Variants in MBTD1 observed in about 807,000 individuals in gnomAD.
The protein encoded by MBTD1 is mbt domain containing 1.
A neutral mutation model predicts 87.8 loss-of-function variants in MBTD1; 24 were observed. The ratio of observed to expected loss-of-function variants is 0.27; its 90% CI spans 0.20 to 0.38. MBTD1 has a LOEUF of 0.38. Ranked by LOEUF, MBTD1 falls within the 10% of genes least tolerant of loss-of-function variation. The pLI is 1.00. For synonymous variants in MBTD1, 237 were observed against 248.6 expected (o/e 0.95, Z 0.44); for missense variants, 436 against 760.2 (o/e 0.57, Z 5.02).
Position 51,260,011 on chromosome 17 carries a change from C to A in MBTD1, c.-289G>T. 2.0e-6 allele frequency: 1 copy of A among 493,830 alleles called. No homozygotes were observed. Among genetic ancestry groups the A allele is most frequent in the African/African-American group, 2.0e-5 (1 of 50,478 alleles). The allele number at this position is 493,830 out of a possible 1,614,324, so 30.6% of individuals were successfully genotyped here. A position where few individuals can be genotyped will look rare whatever the true frequency, so the allele number is the denominator to read the frequency against. ...CGGGTGCAGCAGCCCCCGGATTTCC[C>A]CCCTTTAACTCGGGTGGCCCCAGGA... On this transcript the variant is annotated 5_prime_UTR_variant, in exon 1 of 17. Transcript: ENST00000586178.
intron 2 of MBTD1, among the ~76,000 whole-genome samples, chr17:51,256,087 G>C (rs918906581): frequency 6.6e-6 from 1 of 152,164 alleles, no homozygotes; most frequent in African/African-American, 2.4e-5. Flanking sequence ...CTAGTAGTAG[G>C]AATTAAACAT....
At chr17:51,222,661 G>A (rs775734456) in intron 3 of MBTD1, among the ~76,000 whole-genome samples, 19 of 152,024 alleles carry the variant, frequency 1.2e-4, no homozygotes, top group Non-Finnish European at 2.8e-4. Context: ...GCCTCCCAAA[G>A]TACTAGGATT....
intron 2 of MBTD1, among the ~76,000 whole-genome samples, chr17:51,248,766 T>C (rs965520423): frequency 2.0e-5 from 3 of 152,228 alleles, no homozygotes; most frequent in African/African-American, 7.2e-5. Flanking sequence ...CAGATTTTAC[T>C]ATGAATAAAG....
upstream of MBTD1, chr17:51,260,933 G>A: frequency 6.5e-7 from 1 of 1,541,768 alleles, no homozygotes; most frequent in Non-Finnish European, 8.7e-7. Context: ...GAGGGTGAGG[G>A]AGGCCGCGGC....
chr17:51,235,763 A>G (rs1299865817), intron 2 of MBTD1, among the ~76,000 whole-genome samples: 1 of 152,224 alleles, frequency 6.6e-6, no homozygotes, highest in East Asian at 1.9e-4. Context: ...ACACAATCCA[A>G]TGAGAATCAC....
intron 12 of MBTD1, among the ~76,000 whole-genome samples, chr17:51,197,503 C>T (rs2051200962): frequency 6.6e-6 from 1 of 150,984 alleles, no homozygotes; most frequent in Non-Finnish European, 1.5e-5. Context: ...TTGCTCACTA[C>T]TCTTAATTTT....
chr17:51,211,063 G>A (rs1206017266), intron 6 of MBTD1, among the ~76,000 whole-genome samples: 1 of 150,954 alleles, frequency 6.6e-6, no homozygotes, highest in African/African-American at 2.4e-5. Context: ...CTTGAACCCA[G>A]GAGGCGAAGT....
chr17:51,185,012 T>G (rs2050471511), intron 16 of MBTD1: 1 of 152,162 alleles, frequency 6.6e-6, no homozygotes, highest in African/African-American at 2.4e-5. Context: ...CAAGATGGCC[T>G]AATACATTAT....
rs2050230155 is a variant in MBTD1, at chr17:51,179,526, A to ATATATATACATATATT, written c.*1049_*1050insAATATATGTATATATA. On this transcript the variant is annotated 3_prime_UTR_variant, in exon 17 of 17. Transcript: ENST00000586178. Reference sequence around the variant, plus strand: ...TATATATATATATATATATATATATATATATATATATGGAATTTTAAGAAA... The same window carrying ATATATATACATATATT: ...TATATATATATATATATATATATATATATATATACATATATTTATATATATATGGAATTTTAAGAAA... The ATATATATACATATATT allele has an allele frequency of 9.7e-6, 1 of 103,162 alleles. No homozygotes were observed. Among genetic ancestry groups the ATATATATACATATATT allele is most frequent in the Non-Finnish European group, 2.1e-5 (1 of 46,704 alleles). 6.4% of individuals were successfully genotyped at this position (103,162 alleles called of 1,614,324 possible).
intron 14 of MBTD1, 56 bp from the exon 15 acceptor site, chr17:51,193,072 C>A: frequency 8.7e-7 from 1 of 1,153,426 alleles, no homozygotes; most frequent in Non-Finnish European, 1.3e-6. Context: ...ATGCACAACC[C>A]TACTATCACT....
At chr17:51,227,945 CCGTCTCAAGAAAAA>C (rs2143766991) in intron 2 of MBTD1, among the ~76,000 whole-genome samples, 1 of 149,502 alleles carries the variant, frequency 6.7e-6, no homozygotes, top group African/African-American at 2.5e-5. Flanking sequence ...GAGCAAGATT[CCGTCTCAAGAAAAA>C]AAAAAAAAAA....
chr17:51,243,379 T>C (rs985418429), intron 2 of MBTD1, among the ~76,000 whole-genome samples: 3 of 152,124 alleles, frequency 2.0e-5, no homozygotes, highest in African/African-American at 7.2e-5. Flanking sequence ...CTGTGTACTC[T>C]ACTCAAACAC....
In MBTD1 at chr17:51,233,388, C is replaced by T. The variant is rs559421833; in HGVS notation, c.-48-8179G>A. On this transcript the variant is annotated intron_variant, in intron 2 of 16. Coordinates refer to ENST00000586178, the MANE Select transcript of MBTD1 (RefSeq NM_017643.3). ...AAGAAAAGCAAACAGCATAAGAAAA[C>T]GCTAAAAAAAATTACGAATTCTTCA... Among the ~76,000 whole-genome samples, 61 of 151,854 alleles carry T rather than the reference C, an allele frequency of 4.0e-4. 1 individual carries two copies. The highest frequency in any genetic ancestry group is 3.4e-3 in the Middle Eastern group (1 of 294).
At chr17:51,251,236 T>C (rs1392053505) in intron 2 of MBTD1, 3 of 152,198 alleles carry the variant, frequency 2.0e-5, no homozygotes. Context: ...TCTATTTCTG[T>C]TCATTTCATA....
At chr17:51,260,593 G>A (rs989166237), upstream of MBTD1, 3 of 1,612,060 alleles carry the variant, frequency 1.9e-6, no homozygotes, top group South Asian at 1.1e-5. Flanking sequence ...CGATGCCGCC[G>A]GAGCGGAGGA....
intron 6 of MBTD1, among the ~76,000 whole-genome samples, chr17:51,211,886 A>G (rs1235185748): frequency 2.0e-5 from 3 of 152,212 alleles, no homozygotes; most frequent in Non-Finnish European, 4.4e-5. Flanking sequence ...GCTACTGTAC[A>G]TACACAAAAG....
chr17:51,205,157 G>A (rs553028077), intron 7 of MBTD1, among the ~76,000 whole-genome samples: 10 of 152,288 alleles, frequency 6.6e-5, no homozygotes, highest in African/African-American at 2.2e-4. Flanking sequence ...TAGGAGACAA[G>A]TTTAGTCAGC....
At chr17:51,183,705 T>C (rs1348762102) in intron 16 of MBTD1, 2 of 152,214 alleles carry the variant, frequency 1.3e-5, no homozygotes, top group African/African-American at 4.8e-5. Context: ...ATAAAAATGC[T>C]TTTATGAGGA....
intron 2 of MBTD1, chr17:51,256,876 G>A (rs1268201667): frequency 6.6e-6 from 1 of 152,136 alleles, no homozygotes; most frequent in Non-Finnish European, 1.5e-5. Flanking sequence ...AAGGGCCATG[G>A]AGCTACTCAA....
Sources: gnomAD v4.1 joint callset for allele counts (sites outside exome capture counted in the v4.1 genomes callset) on GRCh38, gnomAD v4.1.1 for gene constraint, MANE v1.5 for transcripts, NCBI Gene and HGNC (gene_info 2026-07-23, HGNC 2026-07-21) for gene names.